The following ANKFN1 variants were observed in gnomAD, a reference collection of about 807,000 sequenced individuals.
ANKFN1 encodes the protein ankyrin repeat and fibronectin type III domain containing 1, also known as ankyrin repeat and fibronectin type-III domain-containing protein 1.
Under a neutral mutation model 108.7 loss-of-function variants are expected in ANKFN1, and 74 were observed. That is an observed-to-expected ratio of 0.68 (90% CI 0.56 to 0.83). ANKFN1 has a LOEUF of 0.83. ANKFN1 is among the 40% of genes least tolerant of loss of function. The pLI is 0.00. For synonymous variants in ANKFN1, 547 were observed against 516.2 expected (o/e 1.06, Z -0.81); for missense variants, 1,505 against 1,382.3 (o/e 1.09, Z -1.41).
intron 1 of ANKFN1, among the ~76,000 whole-genome samples, chr17:56,199,979 A>G (rs1455841988): frequency 6.6e-6 from 1 of 152,232 alleles, no homozygotes; most frequent in Non-Finnish European, 1.5e-5. Context: ...ATATTCTGCT[A>G]TAATGATATG....
intron 8 of ANKFN1, among the ~76,000 whole-genome samples, chr17:56,427,173 G>A (rs1274579177): frequency 2.6e-5 from 4 of 152,034 alleles, no homozygotes; most frequent in Non-Finnish European, 5.9e-5. Context: ...CTGCTACTTC[G>A]GAGTTGCTTT....
chr17:56,068,784 C>T (rs1432249030), intron 4 of ANKFN1, among the ~76,000 whole-genome samples: 1 of 152,202 alleles, frequency 6.6e-6, no homozygotes, highest in Admixed American at 6.5e-5. Context: ...GGTCACACTC[C>T]TTCCTCTCAT....
chr17:56,050,219 G>A (rs373515664), intron 4 of ANKFN1, among the ~76,000 whole-genome samples: 1,794 of 149,280 alleles, frequency 0.012, 26 homozygotes, highest in African/African-American at 0.041. Context: ...CATGTCCTTC[G>A]CCCACTTTTT....
At chr17:56,284,073 C>T (rs1456464570) in intron 3 of ANKFN1, among the ~76,000 whole-genome samples, 1 of 152,048 alleles carries the variant, frequency 6.6e-6, no homozygotes. Context: ...GCTCTGTATG[C>T]TGGTATTTGA....
In ANKFN1 at chr17:56,511,103, T is replaced by A. The variant is rs945292089; in HGVS notation, c.3275T>A (p.Val1092Glu). The change falls in exon 21 of 21, where the codon GTG (valine) becomes GAG (glutamate). Residue 1092 changes from valine to glutamate, a missense_variant. Coordinates refer to ENST00000682825, the MANE Select transcript of ANKFN1 (RefSeq NM_001370326.1). The part of the protein sequence containing the change: ...DARPSVRRLY[V>E]EPYAAAVVAQ... ...AGGCCTTCCGTCCGCCGCCTCTACG[T>A]GGAGCCCTACGCAGCGGCCGTGGTG... 2.6e-6 allele frequency: 4 copies of A among 1,535,874 alleles called. No individual in the cohort carries two copies. The highest frequency in any genetic ancestry group is 2.4e-5 in the South Asian group (2 of 84,060).
chr17:56,345,811 G>T (rs543830045), intron 4 of ANKFN1, among the ~76,000 whole-genome samples: 1 of 152,142 alleles, frequency 6.6e-6, no homozygotes, highest in African/African-American at 2.4e-5. Context: ...GGGGCAGATT[G>T]CAAAAGTTTT....
chr17:56,092,266 A>ATTTTTTTTTTTTTTTTTTTT (rs748898792), intron 4 of ANKFN1, among the ~76,000 whole-genome samples: 1 of 111,380 alleles, frequency 9.0e-6, no homozygotes, highest in African/African-American at 4.0e-5. Context: ...GTGAGGTAGT[A>ATTTTTTTTTTTTTTTTTTTT]TTTTTTTTTT....
chr17:56,133,001 T>C (rs1011444381), intron 4 of ANKFN1, among the ~76,000 whole-genome samples: 3 of 152,202 alleles, frequency 2.0e-5, no homozygotes, highest in Non-Finnish European at 4.4e-5. Context: ...AAAATCACTA[T>C]GTTGGTGCAA....
At chr17:56,072,433 C>T (rs527614900) in intron 4 of ANKFN1, among the ~76,000 whole-genome samples, 4 of 152,146 alleles carry the variant, frequency 2.6e-5, no homozygotes, top group African/African-American at 4.8e-5. Context: ...ACAGTACTGC[C>T]GCAGCTCAGT....
intron 3 of ANKFN1, among the ~76,000 whole-genome samples, chr17:56,323,754 C>T (rs2045438719): frequency 6.6e-6 from 1 of 152,138 alleles, no homozygotes; most frequent in Admixed American, 6.5e-5. Context: ...AACAAAACAT[C>T]AAATATTTAT....
rs770532614 is a variant in ANKFN1 at position 56,510,909 on chromosome 17, A to G, written c.3081A>G (p.Leu1027=). ...GCATCCACAGCGAGACCCAGTCGCT[A>G]TCGCTCTCTGAGGGCATTTATACAC... The part of the protein sequence containing the change: ...WLRIHSETQS[L]SLSEGIYTQH... Residue 1027 remains leucine (L), a synonymous_variant, in exon 21 of 21, where the codon CTA becomes CTG. Coordinates refer to ENST00000682825, the MANE Select transcript of ANKFN1 (RefSeq NM_001370326.1). The G allele has an allele frequency of 7.8e-6, 12 of 1,536,102 alleles. No homozygotes were observed. Among genetic ancestry groups the G allele is most frequent in the Middle Eastern group, 1.7e-4 (1 of 5,990 alleles).
chr17:56,323,069 A>G (rs2045414949), intron 3 of ANKFN1, among the ~76,000 whole-genome samples: 2 of 152,212 alleles, frequency 1.3e-5, no homozygotes, highest in Admixed American at 1.3e-4. Context: ...GGAGCTTTTA[A>G]TTGAATCAGT....
intron 3 of ANKFN1, among the ~76,000 whole-genome samples, chr17:56,256,397 G>A (rs953535198): frequency 6.6e-6 from 1 of 152,122 alleles, no homozygotes; most frequent in Non-Finnish European, 1.5e-5. Flanking sequence ...CTAGTTCTCT[G>A]TCCTCATAAA....
intron 18 of ANKFN1, among the ~76,000 whole-genome samples, chr17:56,486,106 A>G (rs1388480318): frequency 6.6e-6 from 1 of 152,230 alleles, no homozygotes; most frequent in Non-Finnish European, 1.5e-5. Context: ...GCAATATGAG[A>G]GCATCAGATA....
intron 1 of ANKFN1, among the ~76,000 whole-genome samples, chr17:56,210,061 C>CTTAG (rs749834884): frequency 2.0e-5 from 3 of 148,002 alleles, no homozygotes; most frequent in Non-Finnish European, 3.0e-5. Context: ...TAGATAGATA[C>CTTAG]ATAGATAGAT....
chr17:56,394,311 A>C (rs2047518211), intron 8 of ANKFN1, among the ~76,000 whole-genome samples: 2 of 152,112 alleles, frequency 1.3e-5, no homozygotes. Context: ...GCCACTGGAA[A>C]GTTTCTGCAA....
At chr17:56,142,512 C>T (rs72829751) in intron 4 of ANKFN1, among the ~76,000 whole-genome samples, 5,846 of 152,242 alleles carry the variant, frequency 0.038, 117 homozygotes, top group Middle Eastern at 0.082. Flanking sequence ...ATCATCTGCA[C>T]CACATGCCTA....
intron 3 of ANKFN1, among the ~76,000 whole-genome samples, chr17:56,253,907 G>A (rs2043294845): frequency 6.6e-6 from 1 of 151,858 alleles, no homozygotes; most frequent in South Asian, 2.1e-4. Context: ...TGTATTTTGG[G>A]TATTTACATA....
At chr17:56,066,799 T>G (rs1020680143) in intron 4 of ANKFN1, among the ~76,000 whole-genome samples, 3 of 152,208 alleles carry the variant, frequency 2.0e-5, no homozygotes, top group Non-Finnish European at 4.4e-5. Flanking sequence ...CTACTCTACA[T>G]GCCTCATATG....
Sources: gnomAD v4.1 joint callset for allele counts (sites outside exome capture counted in the v4.1 genomes callset) on GRCh38, gnomAD v4.1.1 for gene constraint, MANE v1.5 for transcripts, NCBI Gene and HGNC (gene_info 2026-07-23, HGNC 2026-07-21) for gene names.